The following ST6GALNAC3 variants were observed in gnomAD, a reference collection of about 807,000 sequenced individuals.
ST6GALNAC3 encodes alpha-N-acetylgalactosaminide alpha-2,6-sialyltransferase 3.
In ST6GALNAC3, 25 loss-of-function variants were observed where a neutral mutation model predicts 32.7. The observed-to-expected ratio is 0.76, with a 90% CI of 0.56 to 1.07. The LOEUF is 1.07. Among genes scored for constraint, ST6GALNAC3 ranks in the 50% least tolerant of loss-of-function variants. The pLI is 0.00. For missense variants in ST6GALNAC3, 355 were observed against 382.4 expected (o/e 0.93, Z 0.60); for synonymous variants, 129 against 133.1 (o/e 0.97, Z 0.21).
At chr1:76,264,540 G>A (rs780405172) in intron 1 of ST6GALNAC3, among the ~76,000 whole-genome samples, 24 of 152,008 alleles carry the variant, frequency 1.6e-4, no homozygotes, top group Admixed American at 2.6e-4. Context: ...TGAGGTGCTC[G>A]GCGTACCTTG....
intron 1 of ST6GALNAC3, among the ~76,000 whole-genome samples, chr1:76,202,734 A>T (rs550752195): frequency 2.0e-5 from 3 of 152,328 alleles, no homozygotes; most frequent in Non-Finnish European, 4.4e-5. Context: ...AAATCTGCCC[A>T]GAGTCTTAAA....
chr1:76,391,916 T>C (rs1344636746), intron 2 of ST6GALNAC3, among the ~76,000 whole-genome samples: 1 of 152,222 alleles, frequency 6.6e-6, no homozygotes, highest in Non-Finnish European at 1.5e-5. Context: ...GTTAAATTCA[T>C]GGCGCTTATG....
At chr1:76,310,771 G>C (rs1041310947) in intron 1 of ST6GALNAC3, among the ~76,000 whole-genome samples, 2 of 152,138 alleles carry the variant, frequency 1.3e-5, no homozygotes, top group African/African-American at 4.8e-5. Context: ...GAAGAATCAG[G>C]GGGCCCAGCC....
intron 3 of ST6GALNAC3, among the ~76,000 whole-genome samples, chr1:76,513,704 G>A (rs532788309): frequency 6.6e-6 from 1 of 152,094 alleles, no homozygotes; most frequent in African/African-American, 2.4e-5. Flanking sequence ...TTGGTATTTG[G>A]TGTTTTGATA....
intron 3 of ST6GALNAC3, 111 bp from the exon 4 acceptor site, chr1:76,627,341 C>A: frequency 1.4e-6 from 1 of 695,044 alleles, no homozygotes; most frequent in South Asian, 1.8e-5. Flanking sequence ...TTCCTGATAA[C>A]AAGTGCTATG....
Position 76,509,619 on chromosome 1 carries a change from A to G in ST6GALNAC3, c.623+97202A>G, listed in dbSNP as rs1661707782. On this transcript the variant is annotated intron_variant, in intron 3 of 4. Transcript: ENST00000328299. This position sits in a 1 kb window ranked among gnomAD's most constrained non-coding sequence, Gnocchi z 5.5. The stretch of plus-strand genomic sequence containing the variant: ...CCAACTTTGTGGTTTAAAACAACAC[A>G]AAGTTATTTTATACAGTTCGAAGTT... 6.6e-6 allele frequency among the ~76,000 whole-genome samples: 1 copy of G among 152,336 alleles called. No individual in the cohort carries two copies. The highest frequency in any genetic ancestry group is 6.5e-5 in the Admixed American group (1 of 15,302).
intron 3 of ST6GALNAC3, among the ~76,000 whole-genome samples, chr1:76,607,173 C>G (rs1269953240): frequency 6.6e-6 from 1 of 152,172 alleles, no homozygotes; most frequent in Non-Finnish European, 1.5e-5. Flanking sequence ...AACTCAGGAA[C>G]AGCCAAATGG....
intron 1 of ST6GALNAC3, among the ~76,000 whole-genome samples, chr1:76,167,379 T>C (rs932925218): frequency 1.3e-5 from 2 of 152,236 alleles, no homozygotes; most frequent in African/African-American, 4.8e-5. Context: ...AATTTTTTGA[T>C]GTGCTGCTGG....
chr1:76,574,009 T>C (rs915568969), intron 3 of ST6GALNAC3, among the ~76,000 whole-genome samples: 6 of 152,106 alleles, frequency 3.9e-5, no homozygotes, highest in African/African-American at 9.7e-5. Flanking sequence ...ACACCTACTA[T>C]GTGCTAAGGA....
intron 3 of ST6GALNAC3, among the ~76,000 whole-genome samples, chr1:76,438,920 G>T (rs1656353816): frequency 6.6e-6 from 1 of 152,190 alleles, no homozygotes; most frequent in South Asian, 2.1e-4. Flanking sequence ...GCTAGAATGT[G>T]AGCTTTCTGA....
intron 1 of ST6GALNAC3, among the ~76,000 whole-genome samples, chr1:76,297,571 G>A (rs906548428): frequency 7.9e-5 from 12 of 152,116 alleles, no homozygotes; most frequent in Middle Eastern, 3.4e-3. Flanking sequence ...AGGTGCGCCT[G>A]GTTTGAATCT....
chr1:76,593,664 T>G (rs1647084530), intron 3 of ST6GALNAC3, among the ~76,000 whole-genome samples: 1 of 152,204 alleles, frequency 6.6e-6, no homozygotes, highest in South Asian at 2.1e-4. Flanking sequence ...TATCTGAAAT[T>G]CTTTACTCTA....
chr1:76,341,630 TTTCTTTC>T (rs1648002509), intron 2 of ST6GALNAC3, among the ~76,000 whole-genome samples: 1 of 132,240 alleles, frequency 7.6e-6, no homozygotes, highest in Admixed American at 7.7e-5. Context: ...TCTTTCTTTC[TTTCTTTC>T]TTTCTTTCTT....
intron 2 of ST6GALNAC3, among the ~76,000 whole-genome samples, chr1:76,389,039 C>G (rs1480493715): frequency 7.9e-5 from 5 of 63,122 alleles, no homozygotes; most frequent in African/African-American, 1.4e-4. Context: ...GAGACAGAGT[C>G]CCCCTCAGTA....
intron 3 of ST6GALNAC3, among the ~76,000 whole-genome samples, chr1:76,545,228 C>T (rs1664218651): frequency 6.6e-6 from 1 of 152,190 alleles, no homozygotes; most frequent in Non-Finnish European, 1.5e-5. Flanking sequence ...ACAGATCCTA[C>T]ATTATGACAT....
chr1:76,211,832 G>A (rs1312386720), intron 1 of ST6GALNAC3, among the ~76,000 whole-genome samples: 1 of 152,088 alleles, frequency 6.6e-6, no homozygotes, highest in South Asian at 2.1e-4. Flanking sequence ...TATACCTAAT[G>A]TTAAATGATG....
intron 3 of ST6GALNAC3, among the ~76,000 whole-genome samples, chr1:76,522,392 A>G (rs914799576): frequency 6.6e-6 from 1 of 151,776 alleles, no homozygotes; most frequent in African/African-American, 2.4e-5. Context: ...CTTTCCAATT[A>G]TTTTCTCTCT....
chr1:76,364,277 G>A (rs573202615), intron 2 of ST6GALNAC3, among the ~76,000 whole-genome samples: 8 of 152,140 alleles, frequency 5.3e-5, no homozygotes, highest in African/African-American at 7.2e-5. Context: ...GGTCAGGCGC[G>A]GTGGCTCATG....
At chr1:76,282,123 G>GT (rs968268469) in intron 1 of ST6GALNAC3, among the ~76,000 whole-genome samples, 5 of 151,864 alleles carry the variant, frequency 3.3e-5, no homozygotes, top group Non-Finnish European at 7.4e-5. Flanking sequence ...TGTGTTCCTT[G>GT]TTTTTTTCTC....
Sources: allele counts gnomAD v4.1 joint callset (sites outside exome capture counted in the v4.1 genomes callset), GRCh38; gene constraint gnomAD v4.1.1; non-coding constraint Gnocchi (gnomAD v3.1); transcripts MANE v1.5; gene names NCBI Gene and HGNC (gene_info 2026-07-23, HGNC 2026-07-21).